The following ENOX1 variants were observed in gnomAD, a reference collection of about 807,000 sequenced individuals.
The protein encoded by ENOX1 is candidate growth-related and time keeping constitutive hydroquinone (NADH) oxidase.
In ENOX1, 42 loss-of-function variants were observed where a neutral mutation model predicts 82.5. That is an observed-to-expected ratio of 0.51 (90% CI 0.40 to 0.66). ENOX1 has a LOEUF of 0.66. ENOX1 is among the 30% of genes least tolerant of loss of function. ENOX1 has a pLI of 0.00. For synonymous variants in ENOX1, 271 were observed against 282.2 expected, an observed-to-expected ratio of 0.96 and a Z score of 0.40; for missense variants, 608 against 811.6, an observed-to-expected ratio of 0.75 and a Z score of 3.05.
chr13:43,657,683 G>A (rs552423421), intron 2 of ENOX1, among the ~76,000 whole-genome samples: 6 of 152,316 alleles, frequency 3.9e-5, no homozygotes, highest in African/African-American at 1.2e-4. Context: ...GGGCAGAAGC[G>A]CCTGGTAGGC....
intron 1 of ENOX1, among the ~76,000 whole-genome samples, chr13:43,710,004 G>A (rs2087581429): frequency 1.3e-5 from 2 of 152,070 alleles, no homozygotes; most frequent in Non-Finnish European, 2.9e-5. Flanking sequence ...AAGCTGCCCA[G>A]CATATGTGAT....
At chr13:43,776,149 A>G (rs1391815154) in intron 1 of ENOX1, among the ~76,000 whole-genome samples, 1 of 152,216 alleles carries the variant, frequency 6.6e-6, no homozygotes, top group Non-Finnish European at 1.5e-5. Flanking sequence ...TACATTTAGG[A>G]GTGAATCATA....
intron 14 of ENOX1, among the ~76,000 whole-genome samples, chr13:43,254,668 G>A (rs879883157): frequency 2.6e-5 from 4 of 152,160 alleles, no homozygotes; most frequent in Non-Finnish European, 4.4e-5. Context: ...GAGTACATCT[G>A]TGGCATGAAA....
At chr13:43,519,279 G>A (rs1365190354) in intron 2 of ENOX1, among the ~76,000 whole-genome samples, 1 of 152,128 alleles carries the variant, frequency 6.6e-6, no homozygotes. Context: ...ACATGCTTGT[G>A]TTTCTCCCAA....
At chr13:43,690,547 T>C (rs1171252408) in intron 1 of ENOX1, among the ~76,000 whole-genome samples, 1 of 152,172 alleles carries the variant, frequency 6.6e-6, no homozygotes, top group African/African-American at 2.4e-5. Flanking sequence ...TTGTAACTCA[T>C]ATCAGGAATG....
intron 1 of ENOX1, among the ~76,000 whole-genome samples, chr13:43,668,789 A>G (rs1264815499): frequency 6.6e-6 from 1 of 152,204 alleles, no homozygotes; most frequent in African/African-American, 2.4e-5. Context: ...AACACTGGGA[A>G]GGCTTCCTGA....
At chr13:43,670,881 C>CAACAAA (rs1366454809) in intron 1 of ENOX1, among the ~76,000 whole-genome samples, 3 of 150,338 alleles carry the variant, frequency 2.0e-5, no homozygotes, top group Non-Finnish European at 3.0e-5. Flanking sequence ...ACAACAACAA[C>CAACAAA]AAAACACCAG....
At chr13:43,219,602 C>T (rs2041677748) in intron 16 of ENOX1, among the ~76,000 whole-genome samples, 1 of 152,180 alleles carries the variant, frequency 6.6e-6, no homozygotes, top group African/African-American at 2.4e-5. Context: ...AGAAAGAAAG[C>T]AAACATCAGA....
chr13:43,433,069 T>G (rs1017306265), intron 3 of ENOX1, among the ~76,000 whole-genome samples: 1 of 152,198 alleles, frequency 6.6e-6, no homozygotes, highest in African/African-American at 2.4e-5. Context: ...AGGGTTGCTA[T>G]AACAGAATAC....
chr13:43,390,391 G>A (rs376751837), intron 5 of ENOX1, among the ~76,000 whole-genome samples: 3 of 152,186 alleles, frequency 2.0e-5, no homozygotes, highest in African/African-American at 7.2e-5. Context: ...TATTTATCAA[G>A]GAGAATGCCT....
At chr13:43,485,579 A>C (rs2076384961) in intron 2 of ENOX1, among the ~76,000 whole-genome samples, 1 of 152,240 alleles carries the variant, frequency 6.6e-6, no homozygotes, top group African/African-American at 2.4e-5. Flanking sequence ...GCCTAGGATT[A>C]TTACACAAAG....
At chr13:43,703,277 C>T (rs1340548549) in intron 1 of ENOX1, among the ~76,000 whole-genome samples, 5 of 152,114 alleles carry the variant, frequency 3.3e-5, no homozygotes, top group African/African-American at 9.7e-5. Context: ...TCCTCAGGTG[C>T]AGTGTGTACA....
rs1206749404 is a variant in ENOX1 at position 43,296,672 on chromosome 13, T to C, written c.1446+1674A>G. 2.0e-5 allele frequency among the ~76,000 whole-genome samples: 3 copies of C among 152,178 alleles called. No individual in the cohort carries two copies. In the East Asian group the frequency reaches 5.8e-4, roughly 29 times the overall value. On this transcript the variant is annotated intron_variant, in intron 12 of 16. Coordinates refer to ENST00000690772, the MANE Select transcript of ENOX1 (RefSeq NM_001347969.2). ...CTCAGGTGGTGATTTGGAACACTGC[T>C]CCTTTGTGGACCAGGCACGTGGCTC...
intron 1 of ENOX1, among the ~76,000 whole-genome samples, chr13:43,704,381 G>A (rs537567262): frequency 1.8e-4 from 28 of 151,996 alleles, no homozygotes; most frequent in Admixed American, 1.3e-3. Flanking sequence ...GCTGAAAATA[G>A]GTACAAGCTC....
At chr13:43,365,521 G>T (rs2050792606) in intron 5 of ENOX1, among the ~76,000 whole-genome samples, 1 of 152,146 alleles carries the variant, frequency 6.6e-6, no homozygotes, top group Admixed American at 6.5e-5. Context: ...AGAGGACTCT[G>T]TCTACAGGTC....
intron 5 of ENOX1, among the ~76,000 whole-genome samples, chr13:43,362,581 T>C (rs987668078): frequency 7.9e-5 from 12 of 152,066 alleles, no homozygotes; most frequent in Non-Finnish European, 1.8e-4. Flanking sequence ...TTTGTACAGT[T>C]CTCCTGTACA....
At chr13:43,724,676 A>G (rs1418941337) in intron 1 of ENOX1, among the ~76,000 whole-genome samples, 1 of 152,230 alleles carries the variant, frequency 6.6e-6, no homozygotes, top group Non-Finnish European at 1.5e-5. Context: ...TTTTAGAGGA[A>G]ATTCAACTAA....
intron 3 of ENOX1, among the ~76,000 whole-genome samples, chr13:43,476,711 A>T (rs1011674299): frequency 6.6e-6 from 1 of 152,200 alleles, no homozygotes; most frequent in African/African-American, 2.4e-5. Context: ...CTCATGGAAA[A>T]ATCAATAGAA....
In ENOX1 at chr13:43,329,412, G is replaced by A. The variant is rs114140778; in HGVS notation, c.1037-2887C>T. Among the ~76,000 whole-genome samples the A allele has an allele frequency of 9.8e-3, 1,491 of 152,262 alleles. 22 individuals carry two copies. Among genetic ancestry groups the A allele is most frequent in the African/African-American group, 0.034 (1,430 of 41,548 alleles). ...GAGGAAGAGGGGTGCGAGGTACCAC[G>A]ATGACTGGAGCTGGTAAGTACATCC... On this transcript the variant is annotated intron_variant, in intron 9 of 16. Transcript: ENST00000690772.
Sources: gnomAD v4.1 joint callset for allele counts (sites outside exome capture counted in the v4.1 genomes callset) on GRCh38, gnomAD v4.1.1 for gene constraint, MANE v1.5 for transcripts, NCBI Gene and HGNC (gene_info 2026-07-23, HGNC 2026-07-21) for gene names.